Variants in FBN2 observed in about 807,000 individuals in gnomAD.
FBN2 encodes fibrillin-2.
A neutral mutation model predicts 355.6 loss-of-function variants in FBN2; 105 were observed. That is an observed-to-expected ratio of 0.30 (90% CI 0.25 to 0.35). The LOEUF (loss-of-function observed/expected upper bound fraction) is 0.35, where lower values mean the gene tolerates loss of function less well. Among genes scored for constraint, FBN2 ranks in the 10% least tolerant of loss-of-function variants. The probability of loss-of-function intolerance (pLI) is 1.00; values close to 1 mark genes in which losing one functional copy is unlikely to be tolerated. For synonymous variants in FBN2, 1,350 were observed against 1,301.2 expected, an observed-to-expected ratio of 1.04 and a Z score of -0.81; for missense variants, 3,280 against 3,758.7, an observed-to-expected ratio of 0.87 and a Z score of 3.33.
chr5:128,311,272 A>G, intron 39 of FBN2, 28 bp downstream of exon 39: 1 of 1,613,680 alleles, frequency 6.2e-7, no homozygotes, highest in Non-Finnish European at 8.5e-7. Context: ...AACAGCACTG[A>G]GCATTTTAGG....
chr5:128,318,751 T>A, intron 35 of FBN2, 128 bp downstream of exon 35: 1 of 830,232 alleles, frequency 1.2e-6, no homozygotes, highest in Non-Finnish European at 1.9e-6. Flanking sequence ...AATATAATTT[T>A]CTTTTTCTGA....
intron 48 of FBN2, among the ~76,000 whole-genome samples, chr5:128,292,048 TCTC>T (rs1235057374): frequency 6.6e-6 from 1 of 152,178 alleles, no homozygotes; most frequent in East Asian, 1.9e-4. Context: ...CCCCTATTTC[TCTC>T]CTTTTTTCAC....
intron 48 of FBN2, among the ~76,000 whole-genome samples, chr5:128,298,298 T>C (rs1365485804): frequency 6.6e-6 from 1 of 151,506 alleles, no homozygotes; most frequent in Non-Finnish European, 1.5e-5. Context: ...CTTTGGTGAA[T>C]CTGACAATTA....
chr5:128,299,580 A>C (rs1749654357), intron 48 of FBN2, among the ~76,000 whole-genome samples: 1 of 152,072 alleles, frequency 6.6e-6, no homozygotes, highest in East Asian at 1.9e-4. Flanking sequence ...AAGTGACCCG[A>C]TTCTCCAGGT....
At chr5:128,340,495 C>G (rs1301937371) in intron 25 of FBN2, among the ~76,000 whole-genome samples, 1 of 152,120 alleles carries the variant, frequency 6.6e-6, no homozygotes, top group Non-Finnish European at 1.5e-5. Context: ...TATTAATTTT[C>G]TTTCTATCTA....
chr5:128,337,931 C>T, intron 27 of FBN2, 66 bp downstream of exon 27: 2 of 1,580,146 alleles, frequency 1.3e-6, no homozygotes, highest in Non-Finnish European at 1.7e-6. Flanking sequence ...ACAGGTTTGT[C>T]AGAACTGATC....
At position 128,290,881 on chromosome 5, in the gene FBN2, G is replaced by T; in HGVS notation, c.6296C>A (p.Thr2099Asn). ...LSDNGRRCFD[T>N]RQSFCFTNFE... is the part of the protein sequence containing the mutation. The stretch of plus-strand genomic sequence containing the variant: ...ATTTGTGAAGCAGAAGCTCTGGCGA[G>T]TATCTAATCAAAAAAGCAAACATTA... The change falls in exon 50 of 65, where the codon ACT becomes AAT. Residue 2099 changes from threonine (T) to asparagine (N), a missense_variant. Around this residue, in one of 6 missense-constraint regions of FBN2, gnomAD observed 2,284 missense variants for 2,749.5 expected, o/e 0.83. Transcript: ENST00000262464. 1 of 1,613,734 alleles carries T rather than the reference G, an allele frequency of 6.2e-7. No homozygotes were observed. The highest frequency in any genetic ancestry group is 8.5e-7 in the Non-Finnish European group (1 of 1,179,730).
chr5:128,304,323 C>T (rs1430634278), intron 45 of FBN2, among the ~76,000 whole-genome samples: 2 of 152,188 alleles, frequency 1.3e-5, no homozygotes, highest in African/African-American at 2.4e-5. Flanking sequence ...TGGCATCCAG[C>T]CCATCTGTCT....
chr5:128,463,923 TTACTGC>T (rs1307044866), intron 6 of FBN2, among the ~76,000 whole-genome samples: 1 of 152,220 alleles, frequency 6.6e-6, no homozygotes, highest in Non-Finnish European at 1.5e-5. Flanking sequence ...TCCTGTGATC[TTACTGC>T]TATGCAATAT....
At chr5:128,283,751 G>A (rs1749054765) in intron 55 of FBN2, among the ~76,000 whole-genome samples, 1 of 152,142 alleles carries the variant, frequency 6.6e-6, no homozygotes, top group Admixed American at 6.5e-5. Context: ...ATCTGACACT[G>A]AGCATGACCA....
chr5:128,374,986 A>G (rs1003138953), intron 14 of FBN2, among the ~76,000 whole-genome samples: 5 of 152,170 alleles, frequency 3.3e-5, no homozygotes, highest in South Asian at 2.1e-4. Context: ...CTTTTTCATT[A>G]TTTATTTGAC....
intron 55 of FBN2, among the ~76,000 whole-genome samples, chr5:128,280,932 T>C (rs1765523674): frequency 6.6e-6 from 1 of 152,202 alleles, no homozygotes. Flanking sequence ...TTTTTTGATA[T>C]TTTGTAAATT....
chr5:128,530,719 A>T, intron 2 of FBN2, 26 bp from the exon 3 acceptor site: 1 of 1,362,818 alleles, frequency 7.3e-7, no homozygotes, highest in Non-Finnish European at 1.1e-6. Context: ...TAGGAAAATG[A>T]ATGAATAACT....
intron 6 of FBN2, among the ~76,000 whole-genome samples, chr5:128,447,794 C>T (rs529145213): frequency 5.1e-4 from 78 of 152,292 alleles, no homozygotes; most frequent in Non-Finnish European, 8.4e-4. Flanking sequence ...ATGTCTCCCC[C>T]GGATACCCAG....
At chr5:128,354,153 T>C (rs1751441781) in intron 20 of FBN2, among the ~76,000 whole-genome samples, 1 of 152,170 alleles carries the variant, frequency 6.6e-6, no homozygotes, top group African/African-American at 2.4e-5. Flanking sequence ...AGAAAGACTG[T>C]TATTTTATGT....
rs545860540 is a variant in FBN2 at position 128,349,530 on chromosome 5, G to C, written c.2864-58C>G. On this transcript the variant is annotated intron_variant, in intron 22 of 64. Transcript: ENST00000262464. ...GATGTTACAAATAGAAAAAGCAGGT[G>C]TGGTCCTACTTCCTGTATAGCATTT... is the stretch of plus-strand genomic sequence containing the variant. The C allele has an allele frequency of 2.5e-6, 4 of 1,584,624 alleles. No homozygotes were observed. In the Admixed American group the frequency reaches 7.0e-5, roughly 28 times the overall value.
Position 128,339,068 on chromosome 5 carries a change from C to A in FBN2, c.3344-7G>T. On this transcript the variant is annotated splice_polypyrimidine_tract_variant and splice_region_variant and intron_variant, in intron 25 of 64. Coordinates refer to ENST00000262464, the MANE Select transcript of FBN2 (RefSeq NM_001999.4). The stretch of plus-strand genomic sequence containing the variant: ...ATCCTGCACTCGTCGATGTCTAATT[C>A]ACAGGGTTTAAAAGAAATTTAAAAA... 1 of 1,613,802 alleles carries A rather than the reference C, an allele frequency of 6.2e-7. No homozygotes were observed. Among genetic ancestry groups the A allele is most frequent in the Non-Finnish European group, 8.5e-7 (1 of 1,179,762 alleles).
intron 7 of FBN2, among the ~76,000 whole-genome samples, chr5:128,444,608 G>A (rs2127053449): frequency 6.6e-6 from 1 of 152,336 alleles, no homozygotes; most frequent in East Asian, 1.9e-4. Flanking sequence ...TGGGCAGGAA[G>A]CAAAGAAAGG....
At position 128,361,860 on chromosome 5, in the gene FBN2, G is replaced by C; in HGVS notation, c.2429-12C>G. 5.6e-6 allele frequency: 9 copies of C among 1,613,208 alleles called. No homozygotes were observed. Among genetic ancestry groups the C allele is most frequent in the Non-Finnish European group, 7.6e-6 (9 of 1,179,212 alleles). ...ACATTCATCAATGTCTGAAAGCAAC[G>C]ATTGAAAGATAGGAGATACACATAT... On this transcript the variant is annotated splice_polypyrimidine_tract_variant and intron_variant, in intron 18 of 64. Transcript: ENST00000262464.
Sources: gnomAD v4.1 joint callset for allele counts (sites outside exome capture counted in the v4.1 genomes callset) on GRCh38, gnomAD v4.1.1 for gene constraint, gnomAD v4.1.1 regional missense constraint, MANE v1.5 for transcripts, NCBI Gene and HGNC (gene_info 2026-07-23, HGNC 2026-07-21) for gene names.